Variants in ERC1 observed in about 807,000 individuals in gnomAD.
ERC1 encodes the protein ELKS/RAB6-interacting/CAST family member 1, also known as RAB6 interacting protein 2.
A neutral mutation model predicts 132.0 loss-of-function variants in ERC1; 56 were observed. That is an observed-to-expected ratio of 0.42 (90% CI 0.34 to 0.53). ERC1 has a LOEUF of 0.53. Ranked by LOEUF, ERC1 falls within the 20% of genes least tolerant of loss-of-function variation. The pLI, the probability that ERC1 is intolerant of heterozygous loss-of-function variation, is 0.03. For missense variants in ERC1, 1,202 were observed against 1,349.9 expected (o/e 0.89, Z 1.72); for synonymous variants, 478 against 476.1 (o/e 1.00, Z -0.05).
chr12:1,271,968 C>A (rs1482712982), intron 14 of ERC1, among the ~76,000 whole-genome samples: 4 of 152,134 alleles, frequency 2.6e-5, no homozygotes, highest in Non-Finnish European at 4.4e-5. Flanking sequence ...AGGTTAGGTA[C>A]AGAAATTTTT....
At chr12:1,476,535 T>G (rs2093978551) in intron 18 of ERC1, among the ~76,000 whole-genome samples, 1 of 152,224 alleles carries the variant, frequency 6.6e-6, no homozygotes, top group Non-Finnish European at 1.5e-5. Flanking sequence ...TTTAATGTTT[T>G]ACCCCAGTTT....
intron 15 of ERC1, among the ~76,000 whole-genome samples, chr12:1,343,019 C>T (rs898376897): frequency 6.6e-6 from 1 of 152,178 alleles, no homozygotes; most frequent in Non-Finnish European, 1.5e-5. Context: ...GTCACTCATG[C>T]GGTCCTCACA....
intron 10 of ERC1, among the ~76,000 whole-genome samples, chr12:1,182,774 A>G (rs1000942395): frequency 5.3e-5 from 8 of 151,228 alleles, no homozygotes; most frequent in African/African-American, 1.9e-4. Flanking sequence ...GGATCTTCCT[A>G]TTTCAGTCTT....
intron 2 of ERC1, among the ~76,000 whole-genome samples, chr12:1,052,197 A>G (rs1340259147): frequency 6.6e-6 from 1 of 152,220 alleles, no homozygotes; most frequent in Non-Finnish European, 1.5e-5. Flanking sequence ...TTAATTTCCC[A>G]GGTGATGCTT....
chr12:1,024,394 C>A (rs1174246287), intron 1 of ERC1, among the ~76,000 whole-genome samples: 5 of 151,960 alleles, frequency 3.3e-5, no homozygotes, highest in Admixed American at 3.3e-4. Flanking sequence ...AACAAAAACA[C>A]AAAACATCTC....
chr12:1,455,134 A>G (rs2154418090), intron 18 of ERC1, among the ~76,000 whole-genome samples: 1 of 152,380 alleles, frequency 6.6e-6, no homozygotes, highest in East Asian at 1.9e-4. Flanking sequence ...TGGAGTGTGG[A>G]TAATTTGATA....
Position 1,494,017 on chromosome 12 carries a change from C to A in ERC1, c.*3787C>A, listed in dbSNP as rs193261812. 3 of 232,470 alleles carry A rather than the reference C, an allele frequency of 1.3e-5. No homozygotes were observed. In the East Asian group the frequency reaches 1.8e-4, roughly 14 times the overall value. The allele number at this position is 232,470 out of a possible 1,614,324, so 14.4% of individuals were successfully genotyped here. ...CTGTTCCTCCCAGAACCATCCCGCC[C>A]TCCTGTTGACCATGTTACTTGAGTG... On this transcript the variant is annotated 3_prime_UTR_variant, in exon 19 of 19. Transcript: ENST00000360905.
intron 15 of ERC1, among the ~76,000 whole-genome samples, chr12:1,304,820 C>T (rs1435493975): frequency 2.8e-5 from 3 of 108,272 alleles, no homozygotes; most frequent in African/African-American, 3.5e-5. Context: ...GACGGAGTCT[C>T]GCTCTGCTGC....
At chr12:1,026,703 G>A (rs542346734) in intron 1 of ERC1, among the ~76,000 whole-genome samples, 21 of 152,322 alleles carry the variant, frequency 1.4e-4, no homozygotes, top group African/African-American at 4.8e-4. Context: ...TGCTAGATGA[G>A]TTAAAAGGAA....
chr12:1,191,826 A>T (rs1268857562), intron 12 of ERC1, among the ~76,000 whole-genome samples: 1 of 151,752 alleles, frequency 6.6e-6, no homozygotes, highest in Non-Finnish European at 1.5e-5. Context: ...TCGTTTTAGG[A>T]TTCAGCACAG....
chr12:1,196,415 A>G (rs908476213), intron 12 of ERC1, among the ~76,000 whole-genome samples: 1 of 150,648 alleles, frequency 6.6e-6, no homozygotes, highest in Admixed American at 6.6e-5. Flanking sequence ...TTGTTTAGTT[A>G]TATTTGTTCA....
At chr12:1,144,624 A>ATATATATATATATATATATATATGTG (rs147176639) in intron 8 of ERC1, among the ~76,000 whole-genome samples, 8 of 149,550 alleles carry the variant, frequency 5.3e-5, no homozygotes, top group African/African-American at 2.0e-4. Flanking sequence ...GTATATATAT[A>ATATATATATATATATATATATATGTG]TATATATATA....
intron 16 of ERC1, among the ~76,000 whole-genome samples, chr12:1,388,325 G>A (rs2089599169): frequency 6.9e-6 from 1 of 145,640 alleles, no homozygotes; most frequent in South Asian, 2.2e-4. Flanking sequence ...ACTCCAGCCT[G>A]GGTGACAGAG....
In ERC1 at chr12:1,056,019, A is replaced by G. The variant is rs191690905; in HGVS notation, c.670-27145A>G. ...AAAATAAATGAAAATAAAAATAAAA[A>G]TAGAACATGGTCTGGCCTGTGGAAA... On this transcript the variant is annotated intron_variant, in intron 2 of 18. Coordinates refer to ENST00000360905, the MANE Select transcript of ERC1 (RefSeq NM_178040.4). Among the ~76,000 whole-genome samples the G allele has an allele frequency of 7.1e-3, 1,085 of 151,926 alleles. 12 individuals carry two copies. Among genetic ancestry groups the G allele is most frequent in the African/African-American group, 0.025 (1,041 of 41,486 alleles).
chr12:1,090,872 A>ATTATTGTTGTTGTTGTTGTTG (rs1943085034), intron 3 of ERC1, among the ~76,000 whole-genome samples: 1 of 2,278 alleles, frequency 4.4e-4, no homozygotes, highest in African/African-American at 6.5e-4. Flanking sequence ...TGTTGTTATT[A>ATTATTGTTGTTGTTGTTGTTG]TTATTATTAT....
At chr12:1,230,004 C>CTTTTTTTTT (rs754220477) in intron 12 of ERC1, among the ~76,000 whole-genome samples, 1 of 107,778 alleles carries the variant, frequency 9.3e-6, no homozygotes, top group Non-Finnish European at 1.8e-5. Flanking sequence ...CTTTTTGACT[C>CTTTTTTTTT]TTTTTTTTTT....
rs750544864 is a variant in ERC1, at chr12:1,407,536, A to AT, written c.2926-606dup. ...ACCCTGTCTCTTTATTTTATTTTTT[A>AT]TTTTTTTAAAAAGACAGTTCATGAA... On this transcript the variant is annotated intron_variant, in intron 16 of 18. Coordinates refer to ENST00000360905, the MANE Select transcript of ERC1 (RefSeq NM_178040.4). Among the ~76,000 whole-genome samples, 7 of 152,086 alleles carry AT rather than the reference A, an allele frequency of 4.6e-5. No individual in the cohort carries two copies. In the South Asian group the frequency reaches 1.2e-3, roughly 27 times the overall value.
At position 1,069,412 on chromosome 12, in the gene ERC1, A is replaced by T. The variant is rs963138949; in HGVS notation, c.670-13752A>T. Reference sequence around the variant, plus strand: ...CTATTTCTGTGTCTTCTTGAGAGAAACTTTTACCCATGTGCTCAAGGATCT... The same window carrying T: ...CTATTTCTGTGTCTTCTTGAGAGAATCTTTTACCCATGTGCTCAAGGATCT... On this transcript the variant is annotated intron_variant, in intron 2 of 18. Coordinates refer to ENST00000360905, the MANE Select transcript of ERC1 (RefSeq NM_178040.4). Among the ~76,000 whole-genome samples, 4 of 152,242 alleles carry T rather than the reference A, an allele frequency of 2.6e-5. No homozygotes were observed. The South Asian group carries it at 8.3e-4, about 32-fold the overall frequency.
chr12:1,483,668 C>CTTTTTTTTTTTTTTTTTTTTTTTTTT lies in ERC1; in HGVS notation c.3214-6412_3214-6387dup, dbSNP rs35596394. ...CAAAACTCCTTCCAGCCACTGAGAG[C>CTTTTTTTTTTTTTTTTTTTTTTTTTT]TTTTTTTTTTTTTTTTTTTTTTTTT... is the stretch of plus-strand genomic sequence containing the variant. On this transcript the variant is annotated intron_variant, in intron 18 of 18. Transcript: ENST00000360905. 3.6e-5 allele frequency among the ~76,000 whole-genome samples: 2 copies of CTTTTTTTTTTTTTTTTTTTTTTTTTT among 55,190 alleles called. 1 individual carries two copies. The highest frequency in any genetic ancestry group is 7.1e-5 in the Non-Finnish European group (2 of 28,122). The allele number at this position is 55,190 out of a possible 152,430, so 36.2% of individuals were successfully genotyped here.
Sources: allele counts gnomAD v4.1 joint callset (sites outside exome capture counted in the v4.1 genomes callset), GRCh38; gene constraint gnomAD v4.1.1; transcripts MANE v1.5; gene names NCBI Gene and HGNC (gene_info 2026-07-23, HGNC 2026-07-21).